Variants in ATG16L2 observed in about 807,000 individuals in gnomAD.
ATG16L2 encodes protein Atg16l2.
Under a neutral mutation model 84.7 loss-of-function variants are expected in ATG16L2, and 77 were observed. The ratio of observed to expected loss-of-function variants is 0.91; its 90% CI spans 0.76 to 1.10. ATG16L2 has a LOEUF of 1.10. Among genes scored for constraint, ATG16L2 ranks in the 50% least tolerant of loss-of-function variants. The probability of loss-of-function intolerance (pLI) is 0.00; values close to 1 mark genes in which losing one functional copy is unlikely to be tolerated. For synonymous variants in ATG16L2, 361 were observed against 342.8 expected (o/e 1.05, Z -0.59); for missense variants, 782 against 817.6 (o/e 0.96, Z 0.53).
At chr11:72,825,251 C>G (rs148638811) in intron 9 of ATG16L2, 51 bp from the exon 10 acceptor site, 9 of 1,470,776 alleles carry the variant, frequency 6.1e-6, no homozygotes, top group African/African-American at 4.2e-5. Flanking sequence ...TGAGCACTCA[C>G]AGAGACATGC....
chr11:72,822,734 C>A lies in ATG16L2; in HGVS notation c.711-114C>A. The A allele has an allele frequency of 9.7e-7, 1 of 1,025,736 alleles. No individual in the cohort carries two copies. Among genetic ancestry groups the A allele is most frequent in the Non-Finnish European group, 1.4e-6 (1 of 700,132 alleles). 63.5% of individuals were successfully genotyped at this position (1,025,736 alleles called of 1,614,324 possible). ...TGCATGCGTGACCGCTGCACGTGTA[C>A]ACCCACACAGAACCCTCATCACTGG... On this transcript the variant is annotated intron_variant, in intron 6 of 17. Coordinates refer to ENST00000321297, the MANE Select transcript of ATG16L2 (RefSeq NM_033388.2). This position sits in a 1 kb window ranked among gnomAD's most constrained non-coding sequence, Gnocchi z 4.2.
chr11:72,833,320 A>G (rs1055906425), downstream of ATG16L2, among the ~76,000 whole-genome samples: 1 of 152,244 alleles, frequency 6.6e-6, no homozygotes, highest in Non-Finnish European at 1.5e-5. Context: ...CTGGAGACAC[A>G]TTCACTCATC....
In ATG16L2 at chr11:72,843,181, C is replaced by T. The variant is rs762002880; in HGVS notation, c.*586C>T. On this transcript the variant is annotated 3_prime_UTR_variant, in exon 6 of 6. Transcript: ENST00000534905. ...GCATCTCCGTTGAGGCTGCCTGAAACGAGTTCTGCTTCCGTGGAATTGCTG... is the reference window on the plus strand; with the variant it reads ...GCATCTCCGTTGAGGCTGCCTGAAATGAGTTCTGCTTCCGTGGAATTGCTG... 45 of 1,613,854 alleles carry T rather than the reference C, an allele frequency of 2.8e-5. No individual in the cohort carries two copies. The African/African-American group carries it at 4.1e-4, about 15-fold the overall frequency.
Position 72,843,220 on chromosome 11 carries a change from G to A in ATG16L2, c.*625G>A, listed in dbSNP as rs746447753. 2.4e-5 allele frequency: 38 copies of A among 1,613,856 alleles called. No individual in the cohort carries two copies. In the Admixed American group the frequency reaches 5.0e-4, roughly 21 times the overall value. On this transcript the variant is annotated 3_prime_UTR_variant, in exon 6 of 6. Coordinates refer to the ATG16L2 transcript ENST00000534905. ...GTGGAATTGCTGGACGTGTGTGACCGACTGTCCAAAGCGGCCAGGGACTGC... is the reference window on the plus strand; with the variant it reads ...GTGGAATTGCTGGACGTGTGTGACCAACTGTCCAAAGCGGCCAGGGACTGC...
At chr11:72,825,588 GGTGGA>G (rs1860301955) in intron 10 of ATG16L2, among the ~76,000 whole-genome samples, 181 bp downstream of exon 10, 1 of 152,146 alleles carries the variant, frequency 6.6e-6, no homozygotes, top group South Asian at 2.1e-4. Context: ...TCTGAAGAAG[GGTGGA>G]GCCTCCTGGC....
chr11:72,832,678 C>T (rs1860632174), downstream of ATG16L2, among the ~76,000 whole-genome samples: 1 of 152,214 alleles, frequency 6.6e-6, no homozygotes, highest in Non-Finnish European at 1.5e-5. Context: ...TCTGGAGTGG[C>T]CCGCACTCAT....
intron 5 of ATG16L2, chr11:72,840,953 C>G (rs1455802756): frequency 6.2e-7 from 1 of 1,612,144 alleles, no homozygotes; most frequent in African/African-American, 1.3e-5. Flanking sequence ...AGCATGAAGG[C>G]TTTTTTCTAA....
chr11:72,824,834 G>A lies in ATG16L2; in HGVS notation c.988G>A (p.Asp330Asn), dbSNP rs531275476. ...TGCCCGACTTCCTACCCGGGCTCAGGATGTGCTGGTAAGGGAGGAGCTGAG... is the reference window on the plus strand; with the variant it reads ...TGCCCGACTTCCTACCCGGGCTCAGAATGTGCTGGTAAGGGAGGAGCTGAG... ...VAARLPTRAQ[D>N]VLDAHLSEVN... is the part of the protein sequence containing the mutation. Residue 330 changes from aspartate to asparagine, a missense_variant, in exon 9 of 18, where the codon GAT becomes AAT. Physicochemically the swap from Asp to Asn is conservative, Grantham distance 23. Transcript: ENST00000321297. The A allele has an allele frequency of 6.3e-7, 1 of 1,591,280 alleles. No individual in the cohort carries two copies. Among genetic ancestry groups the A allele is most frequent in the South Asian group, 1.2e-5 (1 of 86,866 alleles).
At position 72,826,783 on chromosome 11, in the gene ATG16L2, C is replaced by A; in HGVS notation, c.1326C>A (p.Arg442=). ...LTRHQAVTGS[R]DRTVKEWDLG... ...GGCACCAGGCAGTGACTGGGAGCCG[C>A]GACCGGACAGTGAAGGAGTGGGACC... The change falls in exon 13 of 18, where the codon CGC becomes CGA. Residue 442 remains arginine, a synonymous_variant. Transcript: ENST00000321297. 6.2e-7 allele frequency: 1 copy of A among 1,614,056 alleles called. No individual in the cohort carries two copies. Among genetic ancestry groups the A allele is most frequent in the South Asian group, 1.1e-5 (1 of 91,076 alleles).
chr11:72,830,546 T>C (rs936126821), downstream of ATG16L2, among the ~76,000 whole-genome samples: 2 of 152,166 alleles, frequency 1.3e-5, no homozygotes, highest in Non-Finnish European at 2.9e-5. Flanking sequence ...CTCAAACTCC[T>C]GCAGCCTTAA....
rs1860490179 is a variant in ATG16L2 at position 72,828,449 on chromosome 11, C to T, written c.1563C>T (p.Ser521=). The change falls in exon 15 of 18, where the codon TCC becomes TCT. Residue 521 remains serine (S), a synonymous_variant. Coordinates refer to ENST00000321297, the MANE Select transcript of ATG16L2 (RefSeq NM_033388.2). The stretch of plus-strand genomic sequence containing the variant: ...ACCAACTGCACCTGCTCAGCTGTTC[C>T]CGAGACAACACACTCAAGGTCATCG... The part of the protein sequence containing the change: ...SHDQLHLLSC[S]RDNTLKVIDL... The T allele has an allele frequency of 2.5e-6, 4 of 1,614,188 alleles. No homozygotes were observed. Among genetic ancestry groups the T allele is most frequent in the Non-Finnish European group, 3.4e-6 (4 of 1,180,046 alleles).
intron 10 of ATG16L2, 60 bp downstream of exon 10, chr11:72,825,467 C>T: frequency 7.5e-7 from 1 of 1,334,260 alleles, no homozygotes; most frequent in Non-Finnish European, 1.1e-6. Flanking sequence ...CTCCTCAGCT[C>T]ACTCCTTGGT....
chr11:72,824,480 C>T (rs1307326128), intron 8 of ATG16L2: 4 of 566,346 alleles, frequency 7.1e-6, no homozygotes, highest in Non-Finnish European at 1.3e-5. Context: ...GGATTGAAAC[C>T]CCGGCCCTGA....
intron 5 of ATG16L2, among the ~76,000 whole-genome samples, chr11:72,839,786 T>C (rs1860852735): frequency 6.6e-6 from 1 of 152,100 alleles, no homozygotes; most frequent in Non-Finnish European, 1.5e-5. Context: ...AGAGATCGGA[T>C]TGGCAGTTAT....
chr11:72,821,229 G>T, intron 3 of ATG16L2: 1 of 995,432 alleles, frequency 1.0e-6, no homozygotes, highest in Non-Finnish European at 1.2e-6. Context: ...TCCTGGTGTG[G>T]TGAGGATGGA....
chr11:72,835,526 C>T (rs1249008801), intron 5 of ATG16L2, among the ~76,000 whole-genome samples: 2 of 152,054 alleles, frequency 1.3e-5, no homozygotes, highest in African/African-American at 4.8e-5. Context: ...TCTCAGGTTC[C>T]AGATGAGGAC....
rs115701249 is a variant in ATG16L2 at position 72,840,999 on chromosome 11, G to A, written c.*22-1618G>A. On this transcript the variant is annotated intron_variant, in intron 5 of 5. Transcript: ENST00000534905. ...CAAAGAAGCTCATTTTACTTGAGTT[G>A]TTGAGCAATAATGCTGATGCAAGGC... is the stretch of plus-strand genomic sequence containing the variant. The A allele has an allele frequency of 1.5e-3, 2,240 of 1,484,456 alleles. 31 individuals are homozygous for A. The African/African-American group carries it at 0.026, about 18-fold the overall frequency. 92.0% of individuals were successfully genotyped at this position (1,484,456 alleles called of 1,614,324 possible). A position where few individuals can be genotyped will look rare whatever the true frequency, so the allele number is the denominator to read the frequency against.
rs1859999589 is a variant in ATG16L2 at position 72,821,651 on chromosome 11, C to T, written c.319-17C>T. 15 of 1,531,512 alleles carry T rather than the reference C, an allele frequency of 9.8e-6. No homozygotes were observed. Among genetic ancestry groups the T allele is most frequent in the Non-Finnish European group, 1.3e-5 (15 of 1,143,796 alleles). The allele number at this position is 1,531,512 out of a possible 1,614,324, so 94.9% of individuals were successfully genotyped here. A position where few individuals can be genotyped will look rare whatever the true frequency, so the allele number is the denominator to read the frequency against. On this transcript the variant is annotated splice_polypyrimidine_tract_variant and intron_variant, in intron 3 of 17. Transcript: ENST00000321297. Reference sequence around the variant, plus strand: ...GGAGGGGCCTCAGCGCCGCCGTGCCCACCTGTCCGCCCCCAGATGGCCTAC... The same window carrying T: ...GGAGGGGCCTCAGCGCCGCCGTGCCTACCTGTCCGCCCCCAGATGGCCTAC...
intron 5 of ATG16L2, chr11:72,837,537 C>T (rs1306914617): frequency 1.3e-5 from 2 of 152,126 alleles, no homozygotes; most frequent in East Asian, 1.9e-4. Flanking sequence ...CTACCTTCTA[C>T]AGGAGCGGAC....
Sources: allele counts gnomAD v4.1 joint callset (sites outside exome capture counted in the v4.1 genomes callset), GRCh38; gene constraint gnomAD v4.1.1; non-coding constraint Gnocchi (gnomAD v3.1); transcripts MANE v1.5; gene names NCBI Gene and HGNC (gene_info 2026-07-23, HGNC 2026-07-21).